The following ERBB3 variants were observed in gnomAD, a reference collection of about 807,000 sequenced individuals.
ERBB3 encodes erb-b2 receptor tyrosine kinase 3, also known as receptor tyrosine-protein kinase erbB-3.
ERBB3 carries 96 observed loss-of-function variants against 156.7 expected under a neutral mutation model. The ratio of observed to expected loss-of-function variants is 0.61; its 90% CI spans 0.52 to 0.73. ERBB3 has a LOEUF of 0.73. ERBB3 is among the 30% of genes least tolerant of loss of function. The pLI is 0.00. For missense variants in ERBB3, 1,406 were observed against 1,709.4 expected (o/e 0.82, Z 3.13); for synonymous variants, 567 against 632.0 (o/e 0.90, Z 1.54).
intron 1 of ERBB3, chr12:56,083,435 G>A (rs2136785212): frequency 4.9e-6 from 2 of 408,378 alleles, no homozygotes; most frequent in Admixed American, 3.6e-5. Flanking sequence ...CTTTTCTAGG[G>A]AGAGAAACAA....
rs2136826117 is a variant in ERBB3 at position 56,099,967 on chromosome 12, G to A, written c.3067G>A (p.Ala1023Thr). Residue 1023 changes from alanine to threonine, a missense_variant, in exon 25 of 28, where the codon GCA (alanine) becomes ACA (threonine). Physicochemically the swap from Ala to Thr is moderately conservative, Grantham distance 58 (BLOSUM62 0). Transcript: ENST00000267101. ...LDLEAEEDNL[A>T]TTTLGSALSL... ...CTTGGAAGCAGAGGAGGACAACCTG[G>A]CAACCACCACACTGGGCTCCGCCCT... The A allele has an allele frequency of 6.2e-7, 1 of 1,614,200 alleles. No individual in the cohort carries two copies.
rs1259920230 is a variant in ERBB3 at position 56,083,642 on chromosome 12, T to C, written c.83-109T>C. 7.2e-6 allele frequency: 9 copies of C among 1,241,398 alleles called. No individual in the cohort carries two copies. The Admixed American group carries it at 1.5e-4, about 21-fold the overall frequency. 76.9% of individuals were successfully genotyped at this position (1,241,398 alleles called of 1,614,324 possible). On this transcript the variant is annotated intron_variant, in intron 1 of 27. Coordinates refer to ENST00000267101, the MANE Select transcript of ERBB3 (RefSeq NM_001982.4). ...GTTGGAGGCAAATGCCATCTGATCCTGTCTAATGTAACTGGAAGAGGGCAA... is the reference window on the plus strand; with the variant it reads ...GTTGGAGGCAAATGCCATCTGATCCCGTCTAATGTAACTGGAAGAGGGCAA...
intron 13 of ERBB3, 85 bp from the exon 14 acceptor site, chr12:56,094,014 A>G: frequency 6.4e-7 from 1 of 1,556,742 alleles, no homozygotes; most frequent in Non-Finnish European, 8.9e-7. Context: ...GGTGGGATTG[A>G]GGTAGGAGAC....
rs1454712085 is a variant in ERBB3 at position 56,102,966 on chromosome 12, G to T, written c.*911G>T. 2 of 229,842 alleles carry T rather than the reference G, an allele frequency of 8.7e-6. No homozygotes were observed. Among genetic ancestry groups the T allele is most frequent in the African/African-American group, 4.5e-5 (2 of 44,856 alleles). The allele number at this position is 229,842 out of a possible 1,614,324, so 14.2% of individuals were successfully genotyped here. On this transcript the variant is annotated 3_prime_UTR_variant, in exon 28 of 28. Coordinates refer to ENST00000267101, the MANE Select transcript of ERBB3 (RefSeq NM_001982.4). ...ACATAGCAAGACACTGTCTCTACAG[G>T]GGAAAAAAAAAAAAGAAACTGAGCC...
intron 3 of ERBB3, among the ~76,000 whole-genome samples, chr12:56,085,914 A>G (rs1358820798): frequency 6.6e-6 from 1 of 151,688 alleles, no homozygotes; most frequent in Admixed American, 6.6e-5. Context: ...CTAAAAATAC[A>G]AAAAATTAGC....
chr12:56,084,871 A>C (rs574868480), intron 2 of ERBB3, 124 bp from the exon 3 acceptor site: 2 of 1,483,482 alleles, frequency 1.3e-6, no homozygotes, highest in African/African-American at 2.8e-5. Context: ...AAAGAAAAAA[A>C]GAAAGGAAAG....
intron 23 of ERBB3, 68 bp from the exon 24 acceptor site, chr12:56,099,580 T>G: frequency 1.4e-4 from 185 of 1,358,728 alleles, no homozygotes; most frequent in Non-Finnish European, 1.7e-4. Flanking sequence ...ATTATAGGTG[T>G]GAGCCACCGC....
intron 1 of ERBB3, 23 bp downstream of exon 1, chr12:56,080,405 C>T (rs777718028): frequency 4.5e-6 from 7 of 1,559,064 alleles, no homozygotes; most frequent in Non-Finnish European, 6.1e-6. Flanking sequence ...AGAGCACCGG[C>T]GGGCTCGGCA....
chr12:56,093,926 G>A, intron 13 of ERBB3, 30 bp downstream of exon 13: 1 of 1,612,510 alleles, frequency 6.2e-7, no homozygotes, highest in Non-Finnish European at 8.5e-7. Context: ...TCAAGGATGG[G>A]TGGGGGTGGG....
chr12:56,090,001 T>TC (rs1868620036), intron 9 of ERBB3, among the ~76,000 whole-genome samples: 1 of 151,750 alleles, frequency 6.6e-6, no homozygotes, highest in African/African-American at 2.4e-5. Context: ...TACTTTTTTT[T>TC]TTTTTTTAAG....
chr12:56,084,750 C>T (rs1430694286), intron 2 of ERBB3, among the ~76,000 whole-genome samples: 2 of 151,886 alleles, frequency 1.3e-5, no homozygotes, highest in Admixed American at 6.6e-5. Flanking sequence ...TGGGAGGCTG[C>T]GGCAGGAGAA....
At chr12:56,086,724 T>A in intron 4 of ERBB3, 68 bp downstream of exon 4, 3 of 1,596,494 alleles carry the variant, frequency 1.9e-6, no homozygotes, top group Non-Finnish European at 2.6e-6. Flanking sequence ...CTTTCCATCA[T>A]CCTTACATTC....
intron 9 of ERBB3, among the ~76,000 whole-genome samples, chr12:56,090,801 C>T (rs1376703326): frequency 6.6e-6 from 1 of 152,046 alleles, no homozygotes; most frequent in African/African-American, 2.4e-5. Flanking sequence ...TATATTTCAG[C>T]GTATATTCCT....
At position 56,102,107 on chromosome 12, in the gene ERBB3, A is replaced by ATCATCCTTAAACAATT; in HGVS notation, c.*52_*53insTCATCCTTAAACAATT. 1 of 1,525,338 alleles carries ATCATCCTTAAACAATT rather than the reference A, an allele frequency of 6.6e-7. No individual in the cohort carries two copies. Among genetic ancestry groups the ATCATCCTTAAACAATT allele is most frequent in the Non-Finnish European group, 9.0e-7 (1 of 1,111,876 alleles). The allele number at this position is 1,525,338 out of a possible 1,614,324, so 94.5% of individuals were successfully genotyped here. Reference sequence around the variant, plus strand: ...GCATTTAATGGCAGCTAGTGCCTTTAGAGGGTACCGTCTTCTCCCTATTCC... The same window carrying ATCATCCTTAAACAATT: ...GCATTTAATGGCAGCTAGTGCCTTTATCATCCTTAAACAATTGAGGGTACCGTCTTCTCCCTATTCC... On this transcript the variant is annotated 3_prime_UTR_variant, in exon 28 of 28. Transcript: ENST00000267101.
intron 15 of ERBB3, among the ~76,000 whole-genome samples, chr12:56,094,841 C>T (rs749337286): frequency 3.9e-5 from 6 of 151,998 alleles, no homozygotes; most frequent in African/African-American, 1.5e-4. Flanking sequence ...ATCCCAGCTA[C>T]GCGGGAGGCT....
At chr12:56,088,484 A>G (rs1868559941) in intron 7 of ERBB3, 59 bp from the exon 8 acceptor site, 2 of 1,315,416 alleles carry the variant, frequency 1.5e-6, no homozygotes, top group Non-Finnish European at 2.2e-6. Context: ...CAAGGGTTCC[A>G]TTGGTAGCTG....
In ERBB3 at chr12:56,096,500, C is replaced by G. The variant is rs1173786318; in HGVS notation, c.2056-3C>G. ...GAGTAACTCCTTCCCATTTGCTCCT[C>G]AGAGCATAGAGCCTCTGGACCCCAG... On this transcript the variant is annotated splice_polypyrimidine_tract_variant and splice_region_variant and intron_variant, in intron 17 of 27. Transcript: ENST00000267101. 2.5e-6 allele frequency: 4 copies of G among 1,613,826 alleles called. No individual in the cohort carries two copies. In the East Asian group the frequency reaches 8.9e-5, roughly 36 times the overall value.
At chr12:56,100,986 C>T in intron 26 of ERBB3, 75 bp from the exon 27 acceptor site, 1 of 1,076,706 alleles carries the variant, frequency 9.3e-7, no homozygotes, top group South Asian at 1.3e-5. Context: ...ACCCAATATC[C>T]TTCTAAACAA....
Position 56,100,210 on chromosome 12 carries a change from C to T in ERBB3, c.3166C>T (p.Pro1056Ser). Residue 1056 changes from proline to serine, a missense_variant, in exon 26 of 28, where the codon CCC (proline) becomes TCC (serine). By Grantham distance (74) the Pro-to-Ser change is moderately conservative (BLOSUM62 -1). Transcript: ENST00000267101. ...SLLSPSSGYM[P>S]MNQGNLGESC... The stretch of plus-strand genomic sequence containing the variant: ...TTTAAGTCCATCATCTGGATACATG[C>T]CCATGAACCAGGGTAATCTTGGGGA... The T allele has an allele frequency of 6.2e-7, 1 of 1,614,024 alleles. No homozygotes were observed. The highest frequency in any genetic ancestry group is 8.5e-7 in the Non-Finnish European group (1 of 1,179,908).
Sources: gnomAD v4.1 joint callset for allele counts (sites outside exome capture counted in the v4.1 genomes callset) on GRCh38, gnomAD v4.1.1 for gene constraint, MANE v1.5 for transcripts, NCBI Gene and HGNC (gene_info 2026-07-23, HGNC 2026-07-21) for gene names.